The following DOCK7 variants were observed in gnomAD, a reference collection of about 807,000 sequenced individuals.
DOCK7 encodes the protein dedicator of cytokinesis protein 7.
DOCK7 carries 138 observed loss-of-function variants against 271.0 expected under a neutral mutation model. The ratio of observed to expected loss-of-function variants is 0.51; its 90% CI spans 0.44 to 0.59. DOCK7 has a LOEUF of 0.59. Among genes scored for constraint, DOCK7 ranks in the 20% least tolerant of loss-of-function variants. DOCK7 has a pLI of 0.00. For synonymous variants in DOCK7, 823 were observed against 876.1 expected, an observed-to-expected ratio of 0.94 and a Z score of 1.07; for missense variants, 2,066 against 2,592.4, an observed-to-expected ratio of 0.80 and a Z score of 4.41.
chr1:62,659,083 AT>A (rs1280821152), intron 2 of DOCK7, among the ~76,000 whole-genome samples: 2 of 152,206 alleles, frequency 1.3e-5, no homozygotes, highest in Non-Finnish European at 2.9e-5. Flanking sequence ...CCAAAAGGAA[AT>A]AATAAAAGGT....
In DOCK7 at chr1:62,583,291, G is replaced by A. The variant is rs1450967168; in HGVS notation, c.1801-37C>T. 4.6e-6 allele frequency: 7 copies of A among 1,534,080 alleles called. No individual in the cohort carries two copies. In the South Asian group the frequency reaches 6.7e-5, roughly 15 times the overall value. On this transcript the variant is annotated intron_variant, in intron 15 of 49. Transcript: ENST00000635253. ...AACAGCATGTTGAAACTTTGTTGTA[G>A]TAAATGCTGGATGTTTCATAACTAT... is the stretch of plus-strand genomic sequence containing the variant.
At chr1:62,455,902 G>A (rs541889725) in intron 49 of DOCK7, among the ~76,000 whole-genome samples, 78 of 152,136 alleles carry the variant, frequency 5.1e-4, no homozygotes, top group Non-Finnish European at 1.0e-3. Context: ...GCTATATATG[G>A]ATGTTTATCA....
At chr1:62,522,025 G>A (rs965531670) in intron 31 of DOCK7, among the ~76,000 whole-genome samples, 3 of 151,816 alleles carry the variant, frequency 2.0e-5, no homozygotes, top group Non-Finnish European at 4.4e-5. Context: ...ATCAATGTAA[G>A]AAGAAACAAA....
intron 14 of DOCK7, chr1:62,604,227 G>A (rs147598570): frequency 1.2e-6 from 2 of 1,612,804 alleles, no homozygotes; most frequent in African/African-American, 2.7e-5. Flanking sequence ...TGTCCAGAGG[G>A]TTATTCAGGT....
At chr1:62,532,157 C>T (rs552886430) in intron 29 of DOCK7, among the ~76,000 whole-genome samples, 19 of 152,276 alleles carry the variant, frequency 1.2e-4, no homozygotes, top group African/African-American at 4.6e-4. Flanking sequence ...GCCTCAGCCT[C>T]CCGAGTAGCT....
chr1:62,512,579 C>T (rs1399982499), intron 33 of DOCK7, among the ~76,000 whole-genome samples: 1 of 151,914 alleles, frequency 6.6e-6, no homozygotes, highest in Non-Finnish European at 1.5e-5. Flanking sequence ...ATATTTTTGC[C>T]TTATATACAG....
chr1:62,526,562 T>C (rs1645015576), intron 31 of DOCK7, among the ~76,000 whole-genome samples: 1 of 151,626 alleles, frequency 6.6e-6, no homozygotes, highest in African/African-American at 2.4e-5. Context: ...ATCCAGCAAA[T>C]CCACTCTTAG....
At chr1:62,674,308 G>C (rs1413612442) in intron 1 of DOCK7, among the ~76,000 whole-genome samples, 3 of 149,610 alleles carry the variant, frequency 2.0e-5, no homozygotes, top group African/African-American at 7.4e-5. Context: ...TAAATAAATA[G>C]ACCCCCCCCA....
chr1:62,584,889 G>A (rs1232616705), intron 15 of DOCK7: 1 of 712,734 alleles, frequency 1.4e-6, no homozygotes, highest in Non-Finnish European at 2.6e-6. Context: ...CTGTAGAGGA[G>A]GCCACATATA....
chr1:62,504,385 T>C (rs1223811865), intron 37 of DOCK7, among the ~76,000 whole-genome samples: 1 of 152,356 alleles, frequency 6.6e-6, no homozygotes. Flanking sequence ...AACTGCTCAA[T>C]GTACATTTAT....
intron 7 of DOCK7, among the ~76,000 whole-genome samples, chr1:62,644,352 C>T (rs181481368): frequency 2.5e-4 from 38 of 152,216 alleles, no homozygotes; most frequent in East Asian, 2.3e-3. Context: ...CTGCCAGAGC[C>T]GAAGTTGCAG....
intron 12 of DOCK7, among the ~76,000 whole-genome samples, chr1:62,624,150 TTTCTGATCTTG>T (rs556905538): frequency 4.7e-4 from 72 of 152,236 alleles, no homozygotes; most frequent in South Asian, 2.7e-3. Context: ...CTTTCAAAAT[TTTCTGATCTTG>T]ATTCATGACA....
chr1:62,518,883 AAG>A (rs923442901), intron 31 of DOCK7, among the ~76,000 whole-genome samples: 25 of 152,180 alleles, frequency 1.6e-4, no homozygotes, highest in Middle Eastern at 3.2e-3. Context: ...ACTCTAGTGA[AAG>A]AGAGAGATTA....
chr1:62,511,034 A>G (rs933236742), intron 33 of DOCK7: 1 of 189,636 alleles, frequency 5.3e-6, no homozygotes, highest in African/African-American at 2.4e-5. Context: ...TTGCGAATCT[A>G]TCAGTATATA....
intron 12 of DOCK7, 185 bp downstream of exon 12, chr1:62,625,074 A>T (rs1653771658): frequency 6.5e-6 from 3 of 460,146 alleles, no homozygotes; most frequent in African/African-American, 4.0e-5. Flanking sequence ...TATAATGCTA[A>T]AATAATAGGA....
intron 37 of DOCK7, among the ~76,000 whole-genome samples, chr1:62,499,139 C>T (rs1646707536): frequency 6.6e-6 from 1 of 152,198 alleles, no homozygotes; most frequent in Non-Finnish European, 1.5e-5. Flanking sequence ...GATACTAATA[C>T]TATAAATTGT....
At chr1:62,488,419 T>A in intron 42 of DOCK7, 1 of 157,254 alleles carries the variant, frequency 6.4e-6, no homozygotes, top group Non-Finnish European at 1.4e-5. Context: ...GACAACCATT[T>A]TATTCATTAT....
At chr1:62,631,053 C>T (rs911651449) in intron 11 of DOCK7, among the ~76,000 whole-genome samples, 187 bp downstream of exon 11, 1 of 151,900 alleles carries the variant, frequency 6.6e-6, no homozygotes, top group South Asian at 2.1e-4. Context: ...GGCGTGGTGG[C>T]GCACATCTGT....
intron 22 of DOCK7, among the ~76,000 whole-genome samples, chr1:62,552,215 T>G (rs1298224291): frequency 2.0e-5 from 3 of 150,062 alleles, no homozygotes; most frequent in Non-Finnish European, 4.4e-5. Context: ...TAAATGTGTG[T>G]GGGGGGTGGG....
Sources: gnomAD v4.1 joint callset for allele counts (sites outside exome capture counted in the v4.1 genomes callset) on GRCh38, gnomAD v4.1.1 for gene constraint, MANE v1.5 for transcripts, NCBI Gene and HGNC (gene_info 2026-07-23, HGNC 2026-07-21) for gene names.